Variants in SGPP2 observed in about 807,000 individuals in gnomAD.
SGPP2 encodes the protein sphingosine-1-phosphate phosphatase 2.
A neutral mutation model predicts 33.9 loss-of-function variants in SGPP2; 30 were observed. That is an observed-to-expected ratio of 0.89 (90% confidence interval 0.66 to 1.20). The LOEUF (loss-of-function observed/expected upper bound fraction) is 1.20. Among genes scored for constraint, SGPP2 ranks in the 50% most tolerant of loss-of-function variants. The pLI is 0.00. For missense variants in SGPP2, 458 were observed against 532.1 expected (o/e 0.86, Z 1.37); for synonymous variants, 233 against 225.0 (o/e 1.04, Z -0.32).
At chr2:222,469,911 A>G (rs528269781) in intron 1 of SGPP2, among the ~76,000 whole-genome samples, 2 of 152,378 alleles carry the variant, frequency 1.3e-5, no homozygotes, top group South Asian at 4.1e-4. Flanking sequence ...TGATACATAT[A>G]CACCATGGAA....
intron 1 of SGPP2, among the ~76,000 whole-genome samples, chr2:222,463,891 A>C (rs572929764): frequency 6.6e-6 from 1 of 152,240 alleles, no homozygotes; most frequent in East Asian, 1.9e-4. Flanking sequence ...ATGTTTTTTG[A>C]AGGGAGGTAG....
At chr2:222,540,411 G>A (rs1698974259) in intron 4 of SGPP2, among the ~76,000 whole-genome samples, 1 of 152,210 alleles carries the variant, frequency 6.6e-6, no homozygotes, top group Non-Finnish European at 1.5e-5. Flanking sequence ...GATTTGGGAT[G>A]CTGAACCTGT....
rs1559180413 is a variant in SGPP2, at chr2:222,559,170, CCCCCCG to C, written c.*276_*281del. 699 of 109,320 alleles carry C rather than the reference CCCCCCG, an allele frequency of 6.4e-3. 80 individuals carry two copies. Among genetic ancestry groups the C allele is most frequent in the African/African-American group, 0.032 (628 of 19,688 alleles). The allele number at this position is 109,320 out of a possible 1,614,324, so 6.8% of individuals were successfully genotyped here. ...TAAAGGCACACACCGCGCCCCCCCC[CCCCCCG>C]CCCGGCCCCTGCTCCTCTCGCTGTT... On this transcript the variant is annotated 3_prime_UTR_variant, in exon 5 of 5. Transcript: ENST00000321276.
chr2:222,431,528 A>G (rs144637482), intron 1 of SGPP2, among the ~76,000 whole-genome samples: 3 of 152,124 alleles, frequency 2.0e-5, no homozygotes, highest in African/African-American at 7.2e-5. Flanking sequence ...GAAGTCTAAA[A>G]ATTTTACAAG....
chr2:222,522,604 T>G (rs1698702500), intron 3 of SGPP2, among the ~76,000 whole-genome samples: 1 of 152,238 alleles, frequency 6.6e-6, no homozygotes, highest in African/African-American at 2.4e-5. Flanking sequence ...TTTCTCCTAT[T>G]TGAGACCTAT....
intron 2 of SGPP2, among the ~76,000 whole-genome samples, chr2:222,483,476 A>G (rs1698060257): frequency 6.6e-6 from 1 of 152,220 alleles, no homozygotes; most frequent in Non-Finnish European, 1.5e-5. Context: ...GATTATCAGC[A>G]GCTAGCTAGC....
At chr2:222,557,228 G>A (rs1405676149) in intron 4 of SGPP2, among the ~76,000 whole-genome samples, 2 of 152,156 alleles carry the variant, frequency 1.3e-5, no homozygotes, top group Non-Finnish European at 2.9e-5. Context: ...TTACCAGACC[G>A]TGAGGTCCAG....
chr2:222,559,156 A>ACCCCCC lies in SGPP2; in HGVS notation c.*260_*261insCCCCCC, dbSNP rs1559180260. 1 of 56,268 alleles carries ACCCCCC rather than the reference A, an allele frequency of 1.8e-5. No homozygotes were observed. Among genetic ancestry groups the ACCCCCC allele is most frequent in the Non-Finnish European group, 3.1e-5 (1 of 32,426 alleles). 3.5% of individuals were successfully genotyped at this position (56,268 alleles called of 1,614,324 possible). A position where few individuals can be genotyped will look rare whatever the true frequency, so the allele number is the denominator to read the frequency against. ...ATAATCCGGATCTTTAAAGGCACAC[A>ACCCCCC]CCGCGCCCCCCCCCCCCCCGCCCGG... On this transcript the variant is annotated 3_prime_UTR_variant, in exon 5 of 5. Transcript: ENST00000321276.
At chr2:222,510,472 C>T (rs1189530564) in intron 2 of SGPP2, among the ~76,000 whole-genome samples, 1 of 152,174 alleles carries the variant, frequency 6.6e-6, no homozygotes, top group Non-Finnish European at 1.5e-5. Context: ...GACTGTAAAT[C>T]CCAGCAGTTT....
intron 2 of SGPP2, among the ~76,000 whole-genome samples, chr2:222,510,803 G>A (rs1344313844): frequency 6.6e-6 from 1 of 152,120 alleles, no homozygotes; most frequent in Non-Finnish European, 1.5e-5. Context: ...GTAAACAAAA[G>A]TGTAAAACAG....
At chr2:222,549,604 GAGAATATAATAAA>G (rs565208050) in intron 4 of SGPP2, among the ~76,000 whole-genome samples, 45,060 of 151,748 alleles carry the variant, frequency 0.3, 7,553 homozygotes, top group Non-Finnish European at 0.38. Flanking sequence ...TTCCTGTAAT[GAGAATATAATAAA>G]GCTCAAGCTT....
chr2:222,475,814 C>A (rs1295879379), intron 2 of SGPP2, among the ~76,000 whole-genome samples: 1 of 152,198 alleles, frequency 6.6e-6, no homozygotes, highest in East Asian at 1.9e-4. Flanking sequence ...TCAGAGAGGC[C>A]TGAGCTCAAG....
chr2:222,434,266 T>A (rs1465611967), intron 1 of SGPP2, among the ~76,000 whole-genome samples: 1 of 152,242 alleles, frequency 6.6e-6, no homozygotes, highest in Non-Finnish European at 1.5e-5. Flanking sequence ...CTGTGACTTG[T>A]ATTTTTTGAT....
At chr2:222,508,162 C>A (rs566165138) in intron 2 of SGPP2, among the ~76,000 whole-genome samples, 1 of 152,250 alleles carries the variant, frequency 6.6e-6, no homozygotes, top group East Asian at 1.9e-4. Flanking sequence ...ATCTCTCAGC[C>A]CCAAGGACAC....
chr2:222,543,226 C>T (rs1381075768), intron 4 of SGPP2, among the ~76,000 whole-genome samples: 1 of 152,190 alleles, frequency 6.6e-6, no homozygotes, highest in Non-Finnish European at 1.5e-5. Flanking sequence ...CTATAATCTA[C>T]ATTGAATTGA....
At chr2:222,502,888 C>T (rs1033968244) in intron 2 of SGPP2, among the ~76,000 whole-genome samples, 1 of 152,194 alleles carries the variant, frequency 6.6e-6, no homozygotes, top group African/African-American at 2.4e-5. Context: ...CGAAATTCTA[C>T]CCTTTAACAC....
intron 2 of SGPP2, among the ~76,000 whole-genome samples, chr2:222,479,841 G>C (rs11694198): frequency 0.13 from 20,044 of 152,064 alleles, 1,556 homozygotes; most frequent in South Asian, 0.24. Context: ...GCAACCTCCA[G>C]CATAAATGGG....
intron 1 of SGPP2, among the ~76,000 whole-genome samples, chr2:222,449,520 A>C (rs1039411184): frequency 4.1e-5 from 6 of 145,422 alleles, no homozygotes; most frequent in Non-Finnish European, 7.4e-5. Flanking sequence ...CCCAGGCTGG[A>C]GTGCAGTGGT....
At chr2:222,500,512 C>T (rs1698351534) in intron 2 of SGPP2, among the ~76,000 whole-genome samples, 1 of 152,164 alleles carries the variant, frequency 6.6e-6, no homozygotes, top group African/African-American at 2.4e-5. Context: ...CTGACGGTCA[C>T]CGTGTTGGCA....
Sources: allele counts gnomAD v4.1 joint callset (sites outside exome capture counted in the v4.1 genomes callset), GRCh38; gene constraint gnomAD v4.1.1; transcripts MANE v1.5; gene names NCBI Gene and HGNC (gene_info 2026-07-23, HGNC 2026-07-21).